GSTA5: variants seen among roughly 807,000 people sequenced by gnomAD.
The protein encoded by GSTA5 is glutathione S-transferase A5.
In GSTA5, 25 loss-of-function variants were observed where a neutral mutation model predicts 21.8. The ratio of observed to expected loss-of-function variants is 1.14; its 90% CI spans 0.83 to 1.60. The LOEUF (loss-of-function observed/expected upper bound fraction) is 1.60, where lower values mean the gene tolerates loss of function less well. Ranked by LOEUF, GSTA5 falls within the 40% of genes most tolerant of loss-of-function variation. The pLI is 0.00. For synonymous variants in GSTA5, 102 were observed against 89.5 expected (o/e 1.14, Z -0.78); for missense variants, 330 against 259.2 (o/e 1.27, Z -1.88).
chr6:52,841,046 T>C (rs894485913), upstream of GSTA5, among the ~76,000 whole-genome samples: 2 of 152,326 alleles, frequency 1.3e-5, no homozygotes, highest in East Asian at 3.9e-4. Context: ...TGTTTACCTG[T>C]GACTTTTCTT....
intron 4 of GSTA5, among the ~76,000 whole-genome samples, chr6:52,833,273 A>G (rs1325424854): frequency 6.6e-6 from 1 of 152,130 alleles, no homozygotes; most frequent in Non-Finnish European, 1.5e-5. Context: ...TGCGCCAAGG[A>G]CTTAGCACCT....
upstream of GSTA5, among the ~76,000 whole-genome samples, chr6:52,841,763 T>C (rs1276607342): frequency 6.6e-6 from 1 of 152,234 alleles, no homozygotes. Context: ...TATTCTCATT[T>C]TACAGTTGAG....
upstream of GSTA5, among the ~76,000 whole-genome samples, chr6:52,843,945 A>G (rs1185974285): frequency 6.6e-6 from 1 of 152,188 alleles, no homozygotes; most frequent in Non-Finnish European, 1.5e-5. Flanking sequence ...TCCAAGGGTC[A>G]GGCTAAGACT....
upstream of GSTA5, among the ~76,000 whole-genome samples, chr6:52,843,916 C>T (rs1408787154): frequency 2.0e-5 from 3 of 152,100 alleles, no homozygotes; most frequent in Non-Finnish European, 4.4e-5. Context: ...ACTAACATAT[C>T]GCCTCTCAAT....
chr6:52,843,201 G>T (rs969593518), upstream of GSTA5, among the ~76,000 whole-genome samples: 1 of 152,150 alleles, frequency 6.6e-6, no homozygotes, highest in Non-Finnish European at 1.5e-5. Context: ...GAACAGGGCC[G>T]CAGTAAACAT....
At chr6:52,842,302 C>A (rs533957765), upstream of GSTA5, among the ~76,000 whole-genome samples, 1 of 152,176 alleles carries the variant, frequency 6.6e-6, no homozygotes, top group South Asian at 2.1e-4. Flanking sequence ...ATATTCTCTC[C>A]AAACCCCCAG....
intron 5 of GSTA5, among the ~76,000 whole-genome samples, chr6:52,832,448 T>C (rs1188604737): frequency 6.6e-6 from 1 of 152,018 alleles, no homozygotes; most frequent in African/African-American, 2.4e-5. Flanking sequence ...GACCACAATG[T>C]CTGACAAAAG....
At chr6:52,833,266 G>A (rs1764243134) in intron 4 of GSTA5, among the ~76,000 whole-genome samples, 1 of 152,104 alleles carries the variant, frequency 6.6e-6, no homozygotes, top group South Asian at 2.1e-4. Flanking sequence ...TTCCACATGC[G>A]CCAAGGACTT....
At chr6:52,845,091 C>CTT (rs1340743163), upstream of GSTA5, among the ~76,000 whole-genome samples, 3 of 152,230 alleles carry the variant, frequency 2.0e-5, no homozygotes, top group East Asian at 5.8e-4. Context: ...TGAATCCAGA[C>CTT]ATATCAAATC....
upstream of GSTA5, among the ~76,000 whole-genome samples, chr6:52,844,960 T>G (rs1437788722): frequency 6.6e-6 from 1 of 152,194 alleles, no homozygotes; most frequent in Non-Finnish European, 1.5e-5. Flanking sequence ...ATTTTATCTA[T>G]CAATCGTTCT....
At chr6:52,831,802 T>G (rs748683614) in exon 6 of GSTA5, 17 of 1,609,100 alleles carry the variant, frequency 1.1e-5, no homozygotes, top group Non-Finnish European at 1.4e-5. Context: ...TGTTGCAAAC[T>G]GTAGAATATT....
chr6:52,832,525 CA>C lies in GSTA5; in HGVS notation c.546+333del, dbSNP rs1234308853. Among the ~76,000 whole-genome samples the C allele has an allele frequency of 3.1e-4, 47 of 152,166 alleles. 1 individual carries two copies. The highest frequency in any genetic ancestry group is 1.1e-3 in the African/African-American group (44 of 41,502). On this transcript the variant is annotated intron_variant, in intron 5 of 5. Transcript: ENST00000370989. ...CTCAGACCAATTCAATGCGGGAAGACAAGGGCACATGTGGGATAAAGGACAT... is the reference window on the plus strand; with the variant it reads ...CTCAGACCAATTCAATGCGGGAAGACAGGGCACATGTGGGATAAAGGACAT...
At chr6:52,842,330 A>C (rs1764388340), upstream of GSTA5, among the ~76,000 whole-genome samples, 1 of 152,106 alleles carries the variant, frequency 6.6e-6, no homozygotes, top group Admixed American at 6.6e-5. Flanking sequence ...ATTAAACATT[A>C]AGATTCTTCT....
At chr6:52,845,285 C>T (rs1447606633), upstream of GSTA5, among the ~76,000 whole-genome samples, 2 of 152,100 alleles carry the variant, frequency 1.3e-5, no homozygotes, top group Non-Finnish European at 2.9e-5. Context: ...CCATGGTTCT[C>T]AACTGGGGAG....
intron 3 of GSTA5, among the ~76,000 whole-genome samples, chr6:52,835,676 A>G (rs904525044): frequency 2.0e-5 from 3 of 152,194 alleles, no homozygotes; most frequent in East Asian, 1.9e-4. Flanking sequence ...TATTGAATCA[A>G]TCTGGCTGTT....
upstream of GSTA5, among the ~76,000 whole-genome samples, chr6:52,842,629 A>C (rs1764394635): frequency 6.6e-6 from 1 of 151,824 alleles, no homozygotes; most frequent in Admixed American, 6.6e-5. Context: ...GGTCTCAAAC[A>C]CCTGACCTCA....
intron 4 of GSTA5, among the ~76,000 whole-genome samples, chr6:52,833,401 A>G (rs1312754838): frequency 6.6e-6 from 1 of 151,988 alleles, no homozygotes; most frequent in African/African-American, 2.4e-5. Context: ...CTCCACCTTC[A>G]TGACAACACT....
rs777496979 is a variant in GSTA5, at chr6:52,840,725, A to G, written c.87+2T>C. 34 of 1,613,344 alleles carry G rather than the reference A, an allele frequency of 2.1e-5. No individual in the cohort carries two copies. Among genetic ancestry groups the G allele is most frequent in the Non-Finnish European group, 1.7e-5 (20 of 1,179,506 alleles). On this transcript the variant is annotated splice_donor_variant, in intron 1 of 5. Transcript: ENST00000370989. LOFTEE classifies it high-confidence loss of function. ...CTTAAGATGACCTTACTCAGAACCT[A>G]CCTCTACTCCAGCTGCAGCCAGGAG...
rs377289712 is a variant in GSTA5, at chr6:52,831,872, T to C, written c.645A>G (p.Glu215=). 1.9e-6 allele frequency: 3 copies of C among 1,613,988 alleles called. No homozygotes were observed. In the African/African-American group the frequency reaches 4.0e-5, roughly 22 times the overall value. Reference sequence around the variant, plus strand: ...ATTAAAACCTGAAAATCTTCCTTGCTTCTTCTAAAGATTTCTCATCCATGG... The same window carrying C: ...ATTAAAACCTGAAAATCTTCCTTGCCTCTTCTAAAGATTTCTCATCCATGG... The change falls in exon 6 of 6, where the codon GAA becomes GAG. Residue 215 remains glutamate (E), a synonymous_variant. Coordinates refer to ENST00000370989, the Ensembl canonical transcript of GSTA5.
Sources: allele counts gnomAD v4.1 joint callset (sites outside exome capture counted in the v4.1 genomes callset), GRCh38; gene constraint gnomAD v4.1.1; transcripts MANE v1.5; gene names NCBI Gene and HGNC (gene_info 2026-07-23, HGNC 2026-07-21).